Variants in MBD2 observed in about 807,000 individuals in gnomAD.
MBD2 encodes the protein methyl-CpG-binding domain protein 2.
Under a neutral mutation model 39.3 loss-of-function variants are expected in MBD2, and 9 were observed. That is an observed-to-expected ratio of 0.23 (90% CI 0.14 to 0.40). The LOEUF is 0.40. Ranked by LOEUF, MBD2 falls within the 10% of genes least tolerant of loss-of-function variation. The pLI, the probability that MBD2 is intolerant of heterozygous loss-of-function variation, is 1.00. For missense variants in MBD2, 458 were observed against 532.6 expected (o/e 0.86, Z 1.38); for synonymous variants, 233 against 211.1 (o/e 1.10, Z -0.90).
At chr18:54,168,572 CATATATATATATATATAT>C (rs56174434) in intron 3 of MBD2, among the ~76,000 whole-genome samples, 2 of 114,832 alleles carry the variant, frequency 1.7e-5, no homozygotes, top group African/African-American at 7.6e-5. Flanking sequence ...AATGGAGATA[CATATATATATATATATAT>C]ATATATATTT....
At chr18:54,205,300 G>A (rs562340393) in intron 1 of MBD2, 143 bp from the exon 2 acceptor site, 13 of 760,504 alleles carry the variant, frequency 1.7e-5, no homozygotes, top group Admixed American at 3.0e-5. Context: ...TGCTAGGCGC[G>A]ATGGCTCACG....
At position 54,224,489 on chromosome 18, in the gene MBD2, C is replaced by G; in HGVS notation, c.71G>C (p.Ser24Thr). The G allele has an allele frequency of 8.1e-7, 1 of 1,233,840 alleles. No individual in the cohort carries two copies. The highest frequency in any genetic ancestry group is 1.0e-6 in the Non-Finnish European group (1 of 990,224). 76.4% of individuals were successfully genotyped at this position (1,233,840 alleles called of 1,614,324 possible). The change falls in exon 1 of 7, where the codon AGC becomes ACC. Residue 24 changes from serine (S) to threonine (T), a missense_variant. Transcript: ENST00000256429. ...TATGGCGGAGTCGCCGCCAGCGCCG[C>G]TGCCGCCCGCCGCACTCTCCCCCTC... ...QEEGESAAGG[S>T]GAGGDSAIEQ...
At chr18:54,203,110 A>C (rs913461949) in intron 2 of MBD2, 6 of 1,612,010 alleles carry the variant, frequency 3.7e-6, no homozygotes, top group Middle Eastern at 1.6e-4. Context: ...CAGCTAGAGC[A>C]GAAAAGTGCA....
chr18:54,184,888 G>T (rs2086274228), intron 3 of MBD2, among the ~76,000 whole-genome samples: 2 of 152,018 alleles, frequency 1.3e-5, no homozygotes. Flanking sequence ...TATTTTCCCT[G>T]CCCAGACAGT....
chr18:54,162,724 G>T (rs921874561), intron 5 of MBD2, among the ~76,000 whole-genome samples: 8 of 152,170 alleles, frequency 5.3e-5, no homozygotes, highest in Non-Finnish European at 1.2e-4. Flanking sequence ...TCAAGGGTAA[G>T]AACAATCCAA....
chr18:54,204,889 T>C, intron 2 of MBD2, 109 bp downstream of exon 2: 2 of 1,009,520 alleles, frequency 2.0e-6, no homozygotes, highest in Admixed American at 2.0e-5. Flanking sequence ...TATGGGGACA[T>C]GCACGGGACA....
intron 1 of MBD2, among the ~76,000 whole-genome samples, chr18:54,216,910 G>A (rs1347771151): frequency 6.6e-6 from 1 of 152,180 alleles, no homozygotes; most frequent in Admixed American, 6.5e-5. Context: ...GGCCAACATG[G>A]TGAAATCTCG....
intron 2 of MBD2, among the ~76,000 whole-genome samples, chr18:54,191,371 T>C (rs940829548): frequency 6.6e-6 from 1 of 152,228 alleles, no homozygotes; most frequent in East Asian, 1.9e-4. Flanking sequence ...GGATCAAGCC[T>C]AACCCAGAGA....
intron 6 of MBD2, among the ~76,000 whole-genome samples, chr18:54,157,454 T>A (rs2086061163): frequency 6.6e-6 from 1 of 151,908 alleles, no homozygotes; most frequent in East Asian, 1.9e-4. Flanking sequence ...AGAGACAGGG[T>A]TTCGTCATGT....
In MBD2 at chr18:54,159,759, GTT is replaced by G; in HGVS notation, c.*12+4_*12+5del. On this transcript the variant is annotated splice_donor_5th_base_variant and intron_variant, in intron 6 of 6. Coordinates refer to ENST00000256429, the MANE Select transcript of MBD2 (RefSeq NM_003927.5). ...TTCCAAGTCACTCTCTCTGGTGTCA[GTT>G]TACCTGATCATATTCTTAGGCTTCA... 2.5e-6 allele frequency: 4 copies of G among 1,606,458 alleles called. No individual in the cohort carries two copies. Among genetic ancestry groups the G allele is most frequent in the Middle Eastern group, 1.7e-4 (1 of 6,052 alleles).
At position 54,171,619 on chromosome 18, in the gene MBD2, TG is replaced by T. The variant is rs112088885; in HGVS notation, c.841-5454del. On this transcript the variant is annotated intron_variant, in intron 3 of 6. Coordinates refer to ENST00000256429, the MANE Select transcript of MBD2 (RefSeq NM_003927.5). Reference sequence around the variant, plus strand: ...AGTAGAGCTAATTGTTTAGGTTAAATGAAGAAAGGGCTTACCCAATGTTCTG... The same window carrying T: ...AGTAGAGCTAATTGTTTAGGTTAAATAAGAAAGGGCTTACCCAATGTTCTG... 5.4e-3 allele frequency among the ~76,000 whole-genome samples: 824 copies of T among 152,280 alleles called. 10 individuals carry two copies. Among genetic ancestry groups the T allele is most frequent in the African/African-American group, 0.017 (709 of 41,556 alleles).
rs747973887 is a variant in MBD2 at position 54,223,985 on chromosome 18, C to G, written c.542+33G>C. 2.0e-6 allele frequency: 3 copies of G among 1,479,384 alleles called. 1 individual carries two copies. The highest frequency in any genetic ancestry group is 2.8e-6 in the Non-Finnish European group (3 of 1,074,666). 91.6% of individuals were successfully genotyped at this position (1,479,384 alleles called of 1,614,324 possible). A position where few individuals can be genotyped will look rare whatever the true frequency, so the allele number is the denominator to read the frequency against. ...TCTTGACCCCTGACCCCGGCCTGAC[C>G]CCGCCACCCCCTCCCCGCCCCCAGG... On this transcript the variant is annotated intron_variant, in intron 1 of 6. Transcript: ENST00000256429.
chr18:54,167,778 C>A (rs776718347), intron 3 of MBD2, among the ~76,000 whole-genome samples: 8 of 151,964 alleles, frequency 5.3e-5, no homozygotes, highest in Non-Finnish European at 7.4e-5. Context: ...TCAATATAAG[C>A]AGGTCAACAA....
chr18:54,189,847 C>T (rs1408342533), intron 2 of MBD2, among the ~76,000 whole-genome samples: 1 of 151,854 alleles, frequency 6.6e-6, no homozygotes, highest in African/African-American at 2.4e-5. Context: ...ATGGGGTCTC[C>T]CTACATTACC....
At chr18:54,177,694 G>A (rs578151317) in intron 3 of MBD2, among the ~76,000 whole-genome samples, 1 of 152,002 alleles carries the variant, frequency 6.6e-6, no homozygotes, top group South Asian at 2.1e-4. Context: ...TGTTAGCCAG[G>A]ATGATCTCAA....
rs549757033 is a variant in MBD2 at position 54,212,716 on chromosome 18, G to C, written c.543-7559C>G. On this transcript the variant is annotated intron_variant, in intron 1 of 6. Transcript: ENST00000256429. The stretch of plus-strand genomic sequence containing the variant: ...TTAAAAAAAAAATATCAAGACTCTG[G>C]GCAAGTCAATTTGAGCATTAAAGAA... Among the ~76,000 whole-genome samples, 8 of 152,044 alleles carry C rather than the reference G, an allele frequency of 5.3e-5. No homozygotes were observed. In the South Asian group the frequency reaches 1.7e-3, roughly 32 times the overall value.
chr18:54,170,165 A>G (rs767741291), intron 3 of MBD2, among the ~76,000 whole-genome samples: 3 of 152,230 alleles, frequency 2.0e-5, no homozygotes, highest in Admixed American at 1.3e-4. Flanking sequence ...TTCTCCTAGT[A>G]AGGACATCAA....
At chr18:54,218,696 C>T (rs181367436) in intron 1 of MBD2, among the ~76,000 whole-genome samples, 2 of 152,312 alleles carry the variant, frequency 1.3e-5, no homozygotes, top group Admixed American at 1.3e-4. Context: ...GGCGCGGTGG[C>T]TCACGCCTGT....
intron 5 of MBD2, among the ~76,000 whole-genome samples, chr18:54,162,950 C>G (rs1428956321): frequency 6.6e-6 from 1 of 152,088 alleles, no homozygotes; most frequent in Non-Finnish European, 1.5e-5. Flanking sequence ...TTCATGTCAA[C>G]TTTGTATGGA....
Sources: allele counts gnomAD v4.1 joint callset (sites outside exome capture counted in the v4.1 genomes callset), GRCh38; gene constraint gnomAD v4.1.1; transcripts MANE v1.5; gene names NCBI Gene and HGNC (gene_info 2026-07-23, HGNC 2026-07-21).